Variants in SETX observed in about 807,000 individuals in gnomAD.
SETX encodes senataxin, also known as helicase senataxin.
In SETX, 90 loss-of-function variants were observed where a neutral mutation model predicts 227.2. The ratio of observed to expected loss-of-function variants is 0.40; its 90% CI spans 0.33 to 0.47. The LOEUF is 0.47. SETX is among the 20% of genes least tolerant of loss of function. The probability of loss-of-function intolerance (pLI) is 0.91; values close to 1 mark genes in which losing one functional copy is unlikely to be tolerated. For synonymous variants in SETX, 1,210 were observed against 1,113.2 expected, an observed-to-expected ratio of 1.09 and a Z score of -1.73; for missense variants, 3,052 against 3,181.5, an observed-to-expected ratio of 0.96 and a Z score of 0.98.
At chr9:132,271,938 A>G in intron 23 of SETX, 130 bp from the exon 24 acceptor site, 1 of 674,858 alleles carries the variant, frequency 1.5e-6, no homozygotes, top group Non-Finnish European at 2.5e-6. Context: ...GCTGGAGTGC[A>G]GTGGCGCGAT....
intron 15 of SETX, among the ~76,000 whole-genome samples, chr9:132,290,222 A>C (rs1844207189): frequency 6.6e-6 from 1 of 151,292 alleles, no homozygotes. Context: ...AAAAACAAAC[A>C]AAAAAACACC....
At chr9:132,291,821 CATTCCAATAAAAACAT>C (rs59010933) in intron 15 of SETX, among the ~76,000 whole-genome samples, 8,525 of 152,090 alleles carry the variant, frequency 0.056, 357 homozygotes, top group East Asian at 0.25. Flanking sequence ...CTAAAGCTAC[CATTCCAATAAAAACAT>C]ATAAATTTCT....
At chr9:132,324,887 A>C (rs751096972) in intron 10 of SETX, among the ~76,000 whole-genome samples, 3 of 152,222 alleles carry the variant, frequency 2.0e-5, no homozygotes, top group African/African-American at 7.2e-5. Flanking sequence ...CACACACACA[A>C]AAATCCTTCT....
chr9:132,329,708 C>A lies in SETX; in HGVS notation c.1890G>T (p.Thr630=). The change falls in exon 10 of 26, where the codon ACG becomes ACT. Residue 630 remains threonine, a synonymous_variant. Coordinates refer to ENST00000224140, the MANE Select transcript of SETX (RefSeq NM_015046.7). Reference sequence around the variant, plus strand: ...CCAAACAATGCATATCTTTTCTAGACGTCTTCCCCATTTGTTCACTTTCTT... The same window carrying A: ...CCAAACAATGCATATCTTTTCTAGAAGTCTTCCCCATTTGTTCACTTTCTT... ...NKEESEQMGK[T]SRKDMHCLEA... is the part of the protein sequence containing the mutation. The A allele has an allele frequency of 6.2e-7, 1 of 1,614,070 alleles. No homozygotes were observed. The highest frequency in any genetic ancestry group is 8.5e-7 in the Non-Finnish European group (1 of 1,179,990).
chr9:132,325,335 G>A (rs1432076363), intron 10 of SETX, among the ~76,000 whole-genome samples: 9 of 151,736 alleles, frequency 5.9e-5, no homozygotes, highest in South Asian at 2.1e-4. Context: ...CAGCCTGGGC[G>A]ACAGAGCGAG....
chr9:132,283,588 A>T (rs1004004645), intron 18 of SETX, among the ~76,000 whole-genome samples, 175 bp from the exon 19 acceptor site: 3 of 152,248 alleles, frequency 2.0e-5, no homozygotes, highest in Non-Finnish European at 4.4e-5. Flanking sequence ...CATTTAAGAT[A>T]ATCACAAAGC....
At chr9:132,276,824 G>A (rs1041561657) in intron 22 of SETX, among the ~76,000 whole-genome samples, 10 of 152,160 alleles carry the variant, frequency 6.6e-5, no homozygotes, top group African/African-American at 2.4e-4. Context: ...CAATGGGCAC[G>A]TCTGTTTCCC....
chr9:132,296,426 G>A (rs1398211078), intron 14 of SETX, among the ~76,000 whole-genome samples: 2 of 152,186 alleles, frequency 1.3e-5, no homozygotes, highest in East Asian at 1.9e-4. Context: ...GGTGGTGTAC[G>A]CCTGTAATCC....
chr9:132,335,626 C>T (rs1389231988), intron 6 of SETX, among the ~76,000 whole-genome samples: 3 of 151,810 alleles, frequency 2.0e-5, no homozygotes, highest in Admixed American at 6.6e-5. Flanking sequence ...TACAGGCGTG[C>T]ACCACCATGC....
Position 132,346,062 on chromosome 9 carries a change from TAA to T in SETX, c.388+197_388+198del, listed in dbSNP as rs137970445. On this transcript the variant is annotated intron_variant, in intron 4 of 25. Coordinates refer to ENST00000224140, the MANE Select transcript of SETX (RefSeq NM_015046.7). ...ATCTTCAGTTACCCTCTGAACAAGA[TAA>T]GTTTGAACTGTGCCCCAAAAATAGG... is the stretch of plus-strand genomic sequence containing the variant. Among the ~76,000 whole-genome samples, 50 of 152,210 alleles carry T rather than the reference TAA, an allele frequency of 3.3e-4. 1 individual carries two copies. In the East Asian group the frequency reaches 9.7e-3, roughly 29 times the overall value.
At chr9:132,341,442 C>T (rs1043595752) in intron 5 of SETX, among the ~76,000 whole-genome samples, 1 of 152,020 alleles carries the variant, frequency 6.6e-6, no homozygotes, top group African/African-American at 2.4e-5. Context: ...ATTCTGTGTC[C>T]CTCCTACCAC....
intron 10 of SETX, among the ~76,000 whole-genome samples, chr9:132,322,105 C>G (rs1425301611): frequency 1.3e-5 from 2 of 152,144 alleles, no homozygotes; most frequent in African/African-American, 4.8e-5. Context: ...AGAGTGCAAC[C>G]ATAAAGAGGC....
At chr9:132,276,946 G>C (rs1589621612) in intron 22 of SETX, 114 bp downstream of exon 22, 4 of 877,200 alleles carry the variant, frequency 4.6e-6, no homozygotes, top group Non-Finnish European at 3.8e-6. Flanking sequence ...ACATGACTGT[G>C]CCCTGACACT....
intron 6 of SETX, among the ~76,000 whole-genome samples, chr9:132,335,172 C>CCT (rs1564553998): frequency 6.6e-6 from 1 of 151,816 alleles, no homozygotes; most frequent in African/African-American, 2.4e-5. Context: ...GGGCAGATCA[C>CCT]AAAGTCAGGA....
chr9:132,305,079 G>GT (rs1479081212), intron 11 of SETX, among the ~76,000 whole-genome samples: 20 of 152,182 alleles, frequency 1.3e-4, no homozygotes, highest in Non-Finnish European at 2.2e-4. Context: ...GCCAGGCGCA[G>GT]TGGCTCACGC....
rs760945778 is a variant in SETX, at chr9:132,264,563, A to T, written c.7710T>A (p.Pro2570=). 3 of 1,613,906 alleles carry T rather than the reference A, an allele frequency of 1.9e-6. No homozygotes were observed. The highest frequency in any genetic ancestry group is 2.2e-5 in the South Asian group (2 of 91,084). The part of the protein sequence containing the change: ...PSSPQHPGAT[P]PTGEPGFPVV... ...CAGGGAAGCCCGGCTCGCCCGTAGG[A>T]GGTGTTGCTCCAGGATGCTGGGGGC... The change falls in exon 26 of 26, where the codon CCT becomes CCA. Residue 2570 remains proline (P), a synonymous_variant. Coordinates refer to ENST00000224140, the MANE Select transcript of SETX (RefSeq NM_015046.7).
chr9:132,303,339 C>CAA (rs76538209), intron 11 of SETX, among the ~76,000 whole-genome samples: 4,724 of 61,544 alleles, frequency 0.077, 317 homozygotes, highest in African/African-American at 0.21. Flanking sequence ...TTTAAAAAAG[C>CAA]AAAAAAAAAA....
At chr9:132,343,902 A>G (rs1261911219) in intron 4 of SETX, among the ~76,000 whole-genome samples, 1 of 152,194 alleles carries the variant, frequency 6.6e-6, no homozygotes, top group East Asian at 1.9e-4. Flanking sequence ...AAAAATCCAT[A>G]AAGTATGTTA....
chr9:132,353,630 T>TC lies in SETX; in HGVS notation c.-8+18_-8+19insG, dbSNP rs1554724980. On this transcript the variant is annotated intron_variant, in intron 2 of 25. Coordinates refer to ENST00000224140, the MANE Select transcript of SETX (RefSeq NM_015046.7). Reference sequence around the variant, plus strand: ...TTACCTTGGTGCTCTGAACTCCTGCTAAAAAAAAAAATTATTACCTGGACA... The same window carrying TC: ...TTACCTTGGTGCTCTGAACTCCTGCTCAAAAAAAAAAATTATTACCTGGACA... The TC allele has an allele frequency of 6.7e-6, 1 of 149,338 alleles. No individual in the cohort carries two copies. The highest frequency in any genetic ancestry group is 1.5e-5 in the Non-Finnish European group (1 of 67,286). The allele number at this position is 149,338 out of a possible 1,614,324, so 9.3% of individuals were successfully genotyped here.
Sources: allele counts gnomAD v4.1 joint callset (sites outside exome capture counted in the v4.1 genomes callset), GRCh38; gene constraint gnomAD v4.1.1; transcripts MANE v1.5; gene names NCBI Gene and HGNC (gene_info 2026-07-23, HGNC 2026-07-21).